CD28: variants seen among roughly 807,000 people sequenced by gnomAD.
CD28 encodes CD28 molecule.
CD28 carries 8 observed loss-of-function variants against 21.4 expected under a neutral mutation model. That is an observed-to-expected ratio of 0.37 (90% CI 0.22 to 0.68). The LOEUF (loss-of-function observed/expected upper bound fraction) is 0.68. CD28 is among the 30% of genes least tolerant of loss of function. The pLI is 0.55. For synonymous variants in CD28, 106 were observed against 104.0 expected, an observed-to-expected ratio of 1.02 and a Z score of -0.12; for missense variants, 239 against 272.2, an observed-to-expected ratio of 0.88 and a Z score of 0.86.
At position 203,737,344 on chromosome 2, in the gene CD28, A is replaced by C. The variant is rs200159612; in HGVS notation, c.*2432A>C. ...ACTTGCCAGCTTCTTGGGCACACAGAGTTCTTCAATCCAAGTTATCAGATT... is the reference window on the plus strand; with the variant it reads ...ACTTGCCAGCTTCTTGGGCACACAGCGTTCTTCAATCCAAGTTATCAGATT... On this transcript the variant is annotated 3_prime_UTR_variant, in exon 4 of 4. Transcript: ENST00000324106. 2.0e-5 allele frequency: 3 copies of C among 152,238 alleles called. No homozygotes were observed. Among genetic ancestry groups the C allele is most frequent in the Non-Finnish European group, 4.4e-5 (3 of 68,042 alleles). 9.4% of individuals were successfully genotyped at this position (152,238 alleles called of 1,614,324 possible). A position where few individuals can be genotyped will look rare whatever the true frequency, so the allele number is the denominator to read the frequency against.
chr2:203,724,061 C>CAACATGGATGAAACTTGA (rs939769921), intron 1 of CD28, among the ~76,000 whole-genome samples: 1 of 152,096 alleles, frequency 6.6e-6, no homozygotes, highest in African/African-American at 2.4e-5. Context: ...GTGCATGCAA[C>CAACATGGATGAAACTTGA]AACATGGATG....
At chr2:203,724,303 G>A (rs1693683162) in intron 1 of CD28, among the ~76,000 whole-genome samples, 1 of 152,088 alleles carries the variant, frequency 6.6e-6, no homozygotes, top group Non-Finnish European at 1.5e-5. Flanking sequence ...GAATCAGATA[G>A]TGGTGATTCA....
intron 1 of CD28, among the ~76,000 whole-genome samples, chr2:203,724,331 A>G (rs1054831377): frequency 2.0e-5 from 3 of 152,016 alleles, no homozygotes; most frequent in African/African-American, 4.8e-5. Context: ...CTTTGTGAAT[A>G]TACTAAAAAA....
chr2:203,718,619 G>A (rs1047255517), intron 1 of CD28, among the ~76,000 whole-genome samples: 9 of 152,162 alleles, frequency 5.9e-5, no homozygotes, highest in African/African-American at 1.7e-4. Flanking sequence ...TGCATAAATG[G>A]AACCTGATAA....
chr2:203,709,789 G>A (rs951979077), intron 1 of CD28, among the ~76,000 whole-genome samples: 2 of 152,194 alleles, frequency 1.3e-5, no homozygotes, highest in African/African-American at 4.8e-5. Flanking sequence ...TAATCATCCA[G>A]TGTGAAGAGA....
rs1694082716 is a variant in CD28, at chr2:203,737,995, T to G, written c.*3083T>G. 6.6e-6 allele frequency: 1 copy of G among 152,226 alleles called. No individual in the cohort carries two copies. Among genetic ancestry groups the G allele is most frequent in the African/African-American group, 2.4e-5 (1 of 41,458 alleles). 9.4% of individuals were successfully genotyped at this position (152,226 alleles called of 1,614,324 possible). ...TGTATAAATCTCCAGTTTAGCCTTTTTTGAAAAAGCTAGACTTTCAAATAC... is the reference window on the plus strand; with the variant it reads ...TGTATAAATCTCCAGTTTAGCCTTTGTTGAAAAAGCTAGACTTTCAAATAC... On this transcript the variant is annotated 3_prime_UTR_variant, in exon 4 of 4. Coordinates refer to ENST00000324106, the MANE Select transcript of CD28 (RefSeq NM_006139.4).
At chr2:203,730,080 C>T (rs1228791764) in intron 3 of CD28, among the ~76,000 whole-genome samples, 1 of 152,048 alleles carries the variant, frequency 6.6e-6, no homozygotes, top group African/African-American at 2.4e-5. Context: ...ATAATTATGA[C>T]ACATAAAACA....
chr2:203,718,259 G>T (rs190179477), intron 1 of CD28, among the ~76,000 whole-genome samples: 1 of 152,176 alleles, frequency 6.6e-6, no homozygotes, highest in South Asian at 2.1e-4. Context: ...GTTGTCTTGT[G>T]GGGGAGCCTA....
chr2:203,717,782 G>C (rs1039850670), intron 1 of CD28, among the ~76,000 whole-genome samples: 2 of 152,116 alleles, frequency 1.3e-5, no homozygotes, highest in Admixed American at 1.3e-4. Flanking sequence ...AACACCCCAT[G>C]GATCCAGAGG....
chr2:203,719,848 G>C (rs144739754), intron 1 of CD28, among the ~76,000 whole-genome samples: 1 of 152,286 alleles, frequency 6.6e-6, no homozygotes, highest in Non-Finnish European at 1.5e-5. Context: ...AACTGAGCTG[G>C]TGGGAGGGTC....
At chr2:203,731,957 C>T (rs1198169618) in intron 3 of CD28, among the ~76,000 whole-genome samples, 1 of 152,182 alleles carries the variant, frequency 6.6e-6, no homozygotes, top group East Asian at 1.9e-4. Context: ...TTTGTACTCT[C>T]TTACCAAAAG....
intron 1 of CD28, among the ~76,000 whole-genome samples, chr2:203,714,643 A>G (rs1351749173): frequency 6.6e-6 from 1 of 152,196 alleles, no homozygotes; most frequent in Non-Finnish European, 1.5e-5. Context: ...GCTGGAGGAT[A>G]TCTCAGGTCT....
rs150313564 is a variant in CD28, at chr2:203,728,214, C to A, written c.409+1225C>A. ...GTGTGATCTTGGATAAGTCACCTAA[C>A]TTTTTCATAGTCAAAAACTCAGTAC... On this transcript the variant is annotated intron_variant, in intron 2 of 3. Coordinates refer to ENST00000324106, the MANE Select transcript of CD28 (RefSeq NM_006139.4). Among the ~76,000 whole-genome samples, 30 of 152,286 alleles carry A rather than the reference C, an allele frequency of 2.0e-4. No individual in the cohort carries two copies. In the East Asian group the frequency reaches 5.4e-3, roughly 27 times the overall value.
At chr2:203,723,685 G>A (rs758119673) in intron 1 of CD28, among the ~76,000 whole-genome samples, 4 of 152,158 alleles carry the variant, frequency 2.6e-5, no homozygotes, top group Non-Finnish European at 4.4e-5. Flanking sequence ...ATCAAACCAT[G>A]ATGAGATATC....
At chr2:203,720,035 C>T (rs1202931567) in intron 1 of CD28, among the ~76,000 whole-genome samples, 1 of 152,034 alleles carries the variant, frequency 6.6e-6, no homozygotes, top group African/African-American at 2.4e-5. Context: ...CACTGCCATT[C>T]TCATGGAAGT....
intron 1 of CD28, among the ~76,000 whole-genome samples, chr2:203,721,748 A>G (rs566031240): frequency 4.1e-4 from 63 of 152,300 alleles, no homozygotes; most frequent in Non-Finnish European, 7.8e-4. Context: ...TGTTTAAAGT[A>G]GGGTCTATTT....
intron 3 of CD28, among the ~76,000 whole-genome samples, chr2:203,731,318 G>A (rs1168367240): frequency 2.6e-5 from 4 of 152,122 alleles, no homozygotes; most frequent in African/African-American, 9.7e-5. Flanking sequence ...TTGATCCTCT[G>A]GTGTTTGCTG....
rs41272649 is a variant in CD28 at position 203,726,685 on chromosome 2, G to A, written c.105G>A (p.Ala35=). 18,260 of 1,613,932 alleles carry A rather than the reference G, an allele frequency of 0.011. 135 individuals carry two copies. The highest frequency in any genetic ancestry group is 0.014 in the Non-Finnish European group (16,305 of 1,179,966). The part of the protein sequence containing the change: ...QSPMLVAYDN[A]VNLSCKYSYN... The stretch of plus-strand genomic sequence containing the variant: ...CCATGCTTGTAGCGTACGACAATGC[G>A]GTCAACCTTAGCTGCAAGTATTCCT... Residue 35 remains alanine, a synonymous_variant, in exon 2 of 4, where the codon GCG becomes GCA. Transcript: ENST00000324106.
At chr2:203,720,953 C>T (rs1248107215) in intron 1 of CD28, among the ~76,000 whole-genome samples, 2 of 152,148 alleles carry the variant, frequency 1.3e-5, no homozygotes, top group Non-Finnish European at 2.9e-5. Context: ...ATTTTGAGGT[C>T]CTGTGAGATA....
Sources: allele counts gnomAD v4.1 joint callset (sites outside exome capture counted in the v4.1 genomes callset), GRCh38; gene constraint gnomAD v4.1.1; transcripts MANE v1.5; gene names NCBI Gene and HGNC (gene_info 2026-07-23, HGNC 2026-07-21).